Variants in VPS39 observed in about 807,000 individuals in gnomAD.
VPS39 encodes vam6/Vps39-like protein.
A neutral mutation model predicts 121.0 loss-of-function variants in VPS39; 70 were observed. The ratio of observed to expected loss-of-function variants is 0.58; its 90% CI spans 0.48 to 0.71. The LOEUF is 0.71. Ranked by LOEUF, VPS39 falls within the 30% of genes least tolerant of loss-of-function variation. The pLI is 0.00. For missense variants in VPS39, 818 were observed against 1,051.5 expected, an observed-to-expected ratio of 0.78 and a Z score of 3.07; for synonymous variants, 378 against 398.1, an observed-to-expected ratio of 0.95 and a Z score of 0.60.
At chr15:42,190,908 A>G (rs2140877617) in intron 4 of VPS39, among the ~76,000 whole-genome samples, 1 of 152,336 alleles carries the variant, frequency 6.6e-6, no homozygotes, top group Middle Eastern at 3.4e-3. Context: ...TATTTGATCA[A>G]TGAACGAATG....
At chr15:42,163,899 G>A (rs1377008102) in intron 19 of VPS39, among the ~76,000 whole-genome samples, 171 bp from the exon 20 acceptor site, 1 of 151,982 alleles carries the variant, frequency 6.6e-6, no homozygotes, top group East Asian at 1.9e-4. Context: ...AAAGGGGGAG[G>A]GAGCTATTTT....
chr15:42,185,474 C>T (rs2049682814), intron 7 of VPS39, among the ~76,000 whole-genome samples: 1 of 152,122 alleles, frequency 6.6e-6, no homozygotes, highest in Admixed American at 6.5e-5. Flanking sequence ...TGAGCCACCG[C>T]GCCTGGCCAA....
intron 11 of VPS39, among the ~76,000 whole-genome samples, chr15:42,172,611 G>A (rs1278414713): frequency 6.6e-6 from 1 of 152,214 alleles, no homozygotes; most frequent in African/African-American, 2.4e-5. Flanking sequence ...CAACAACAGG[G>A]GAAGTGGCAG....
chr15:42,179,772 T>G (rs903067226), intron 8 of VPS39, among the ~76,000 whole-genome samples: 1 of 152,122 alleles, frequency 6.6e-6, no homozygotes, highest in African/African-American at 2.4e-5. Context: ...GGTGTGATGC[T>G]CCACCTGATG....
chr15:42,180,961 G>T (rs1407817223), intron 8 of VPS39, among the ~76,000 whole-genome samples: 1 of 152,132 alleles, frequency 6.6e-6, no homozygotes, highest in African/African-American at 2.4e-5. Flanking sequence ...CAGTATGGTG[G>T]TTCCTCAGAA....
In VPS39 at chr15:42,162,055, G is replaced by A. The variant is rs771118938; in HGVS notation, c.2437C>T (p.Leu813Phe). ...ACCCTCAGGAATTCTGCATGGAGAA[G>A]GTTCTTGAGCACTTGATTGAACCGT... ...KKRFNQVLKNLLHAEFLRVQE... is the reference protein window; with the variant it reads ...KKRFNQVLKNFLHAEFLRVQE... Residue 813 changes from leucine to phenylalanine, a missense_variant, in exon 23 of 25, where the codon CTT (leucine) becomes TTT (phenylalanine). Leu to Phe is a conservative substitution (Grantham distance 22). Transcript: ENST00000318006. The A allele has an allele frequency of 6.2e-7, 1 of 1,614,186 alleles. No individual in the cohort carries two copies. Among genetic ancestry groups the A allele is most frequent in the Non-Finnish European group, 8.5e-7 (1 of 1,180,032 alleles).
chr15:42,195,980 C>G (rs1398865785), intron 2 of VPS39, among the ~76,000 whole-genome samples: 2 of 152,100 alleles, frequency 1.3e-5, no homozygotes, highest in African/African-American at 4.8e-5. Flanking sequence ...GAGATAGAGA[C>G]AAATGGAACA....
Position 42,166,792 on chromosome 15 carries a change from T to C in VPS39, c.1499A>G (p.Lys500Arg). ...CACACCTTTCTCGTGGAGCCCCTTC[T>C]TCTCATACAGGATGATAAGCTCACT... ...KYSELIILYE[K>R]KGLHEKALQV... The change falls in exon 14 of 25, where the codon AAG becomes AGG. Residue 500 changes from lysine to arginine, a missense_variant. Lys to Arg is a conservative substitution (Grantham distance 26). Coordinates refer to ENST00000318006, the MANE Select transcript of VPS39 (RefSeq NM_015289.5). The C allele has an allele frequency of 6.2e-7, 1 of 1,614,206 alleles. No homozygotes were observed. Among genetic ancestry groups the C allele is most frequent in the Non-Finnish European group, 8.5e-7 (1 of 1,179,998 alleles).
At chr15:42,202,805 C>G (rs191422025) in intron 1 of VPS39, among the ~76,000 whole-genome samples, 2 of 152,264 alleles carry the variant, frequency 1.3e-5, no homozygotes, top group East Asian at 3.9e-4. Flanking sequence ...CCCTGTGACA[C>G]CTTCAACTGG....
Position 42,208,157 on chromosome 15 carries a change from G to A in VPS39, c.-4C>T, listed in dbSNP as rs1216187180. Reference sequence around the variant, plus strand: ...CTGGCTCGAAAGCGTCGTGCATGGCGGCAAGGGGAGAGTTGCCACCGCCGT... The same window carrying A: ...CTGGCTCGAAAGCGTCGTGCATGGCAGCAAGGGGAGAGTTGCCACCGCCGT... On this transcript the variant is annotated 5_prime_UTR_variant, in exon 1 of 25. Coordinates refer to ENST00000318006, the MANE Select transcript of VPS39 (RefSeq NM_015289.5). 3 of 1,567,654 alleles carry A rather than the reference G, an allele frequency of 1.9e-6. No individual in the cohort carries two copies. The highest frequency in any genetic ancestry group is 2.6e-6 in the Non-Finnish European group (3 of 1,156,356).
At chr15:42,205,546 T>A (rs1213629124) in intron 1 of VPS39, among the ~76,000 whole-genome samples, 2 of 151,350 alleles carry the variant, frequency 1.3e-5, no homozygotes, top group South Asian at 4.2e-4. Context: ...CAGAAAGGAG[T>A]GAGAGGTAAG....
intron 24 of VPS39, 68 bp from the exon 25 acceptor site, chr15:42,160,897 C>A (rs1331994332): frequency 6.5e-7 from 1 of 1,531,284 alleles, no homozygotes; most frequent in Non-Finnish European, 9.0e-7. Context: ...GCAGCGGCAC[C>A]TCCTACAGAA....
chr15:42,172,201 T>C (rs571003987), intron 11 of VPS39, among the ~76,000 whole-genome samples: 40 of 152,222 alleles, frequency 2.6e-4, no homozygotes, highest in Admixed American at 1.6e-3. Flanking sequence ...ACAAAAGACA[T>C]TGAAGCTTCT....
At chr15:42,194,031 T>A (rs2049884191) in intron 2 of VPS39, among the ~76,000 whole-genome samples, 1 of 152,178 alleles carries the variant, frequency 6.6e-6, no homozygotes, top group Admixed American at 6.5e-5. Flanking sequence ...ACAGCAGAAG[T>A]GCTTTATGTG....
intron 8 of VPS39, 65 bp from the exon 9 acceptor site, chr15:42,178,635 G>T: frequency 6.3e-7 from 1 of 1,594,324 alleles, no homozygotes; most frequent in Admixed American, 1.7e-5. Context: ...GAGTGTTTCA[G>T]CTGCCCATTC....
Position 42,208,302 on chromosome 15 carries a change from C to G in VPS39, c.-149G>C. 1 of 999,762 alleles carries G rather than the reference C, an allele frequency of 1.0e-6. No homozygotes were observed. The highest frequency in any genetic ancestry group is 1.4e-6 in the Non-Finnish European group (1 of 694,256). 61.9% of individuals were successfully genotyped at this position (999,762 alleles called of 1,614,324 possible). On this transcript the variant is annotated 5_prime_UTR_variant, in exon 1 of 25. Transcript: ENST00000318006. Reference sequence around the variant, plus strand: ...CTTCAACAACACAGCCATCGTCAACCCCGGACTTCCTGCTAGTTAGGCCCG... The same window carrying G: ...CTTCAACAACACAGCCATCGTCAACGCCGGACTTCCTGCTAGTTAGGCCCG...
rs778225077 is a variant in VPS39, at chr15:42,166,920, A to G, written c.1378-7T>C. On this transcript the variant is annotated splice_polypyrimidine_tract_variant and splice_region_variant and intron_variant, in intron 13 of 24. Transcript: ENST00000318006. ...CCACCAGGGCCACATTTGTCTGCAG[A>G]AAGAGCAGGAGTTCAGTGGAAACTG... 5.6e-6 allele frequency: 9 copies of G among 1,614,132 alleles called. No homozygotes were observed. The South Asian group carries it at 8.8e-5, about 16-fold the overall frequency.
chr15:42,177,162 TA>T (rs369967285), intron 10 of VPS39, among the ~76,000 whole-genome samples: 5,483 of 56,390 alleles, frequency 0.097, 620 homozygotes, highest in South Asian at 0.19. Context: ...GACCCTGTTT[TA>T]AAAAAAAAAA....
chr15:42,202,850 G>C (rs1391182024), intron 1 of VPS39, among the ~76,000 whole-genome samples: 2 of 152,114 alleles, frequency 1.3e-5, no homozygotes, highest in African/African-American at 4.8e-5. Context: ...CGCATTTGCT[G>C]TCAGTTATCT....
Sources: gnomAD v4.1 joint callset for allele counts (sites outside exome capture counted in the v4.1 genomes callset) on GRCh38, gnomAD v4.1.1 for gene constraint, MANE v1.5 for transcripts, NCBI Gene and HGNC (gene_info 2026-07-23, HGNC 2026-07-21) for gene names.